The following CD58 variants were observed in gnomAD, a reference collection of about 807,000 sequenced individuals.
The protein encoded by CD58 is CD58 molecule, also known as lymphocyte function-associated antigen 3.
CD58 carries 14 observed loss-of-function variants against 27.6 expected under a neutral mutation model. That is an observed-to-expected ratio of 0.51 (90% CI 0.34 to 0.79). The LOEUF is 0.79. Among genes scored for constraint, CD58 ranks in the 30% least tolerant of loss-of-function variants. The pLI is 0.02. For missense variants in CD58, 268 were observed against 301.7 expected (o/e 0.89, Z 0.83); for synonymous variants, 117 against 103.8 (o/e 1.13, Z -0.77).
rs1349767981 is a variant in CD58, at chr1:116,534,997, T to C, written c.628+968A>G. On this transcript the variant is annotated intron_variant, in intron 3 of 5. Coordinates refer to ENST00000369489, the MANE Select transcript of CD58 (RefSeq NM_001779.3). This position sits in a 1 kb window ranked among gnomAD's most constrained non-coding sequence, Gnocchi z 5.3. ...ACAATTATATTATTCTGAATAATAG[T>C]ATTTACTATTTTCGTCTCTTTTATA... is the stretch of plus-strand genomic sequence containing the variant. 6.6e-6 allele frequency among the ~76,000 whole-genome samples: 1 copy of C among 152,220 alleles called. No homozygotes were observed. Among genetic ancestry groups the C allele is most frequent in the African/African-American group, 2.4e-5 (1 of 41,460 alleles).
rs1300034716 is a variant in CD58, at chr1:116,521,031, G to A, written c.706+875C>T. On this transcript the variant is annotated intron_variant, in intron 4 of 5. Transcript: ENST00000369489. The surrounding 1 kb of genome is among the most constrained non-coding windows in gnomAD (Gnocchi z 5.6). ...AGATGTAGGTATTGAGCACTTGAAA[G>A]GTGGTTAGTGTAACTGAGGAATGAA... Among the ~76,000 whole-genome samples, 2 of 152,124 alleles carry A rather than the reference G, an allele frequency of 1.3e-5. No homozygotes were observed. The highest frequency in any genetic ancestry group is 2.9e-5 in the Non-Finnish European group (2 of 68,016).
At chr1:116,525,230 T>C (rs2101159700) in intron 3 of CD58, among the ~76,000 whole-genome samples, 2 of 152,338 alleles carry the variant, frequency 1.3e-5, no homozygotes, top group South Asian at 2.1e-4. Flanking sequence ...ACTACTAATC[T>C]TTTTACAGTC....
chr1:116,542,943 C>A (rs1658038838), intron 2 of CD58, among the ~76,000 whole-genome samples: 2 of 152,068 alleles, frequency 1.3e-5, no homozygotes, highest in Admixed American at 1.3e-4. Context: ...AGGAGGTATT[C>A]AAGATTTGAG....
rs1335155663 is a variant in CD58, at chr1:116,563,777, C to T, written c.70+7126G>A. ...GGGGCCCTGGGTCCAGCCCATGAAA[C>T]AATTTTTCCCTCCAAGGCCTCCAGG... On this transcript the variant is annotated intron_variant, in intron 1 of 5. Transcript: ENST00000369489. This position sits in a 1 kb window ranked among gnomAD's most constrained non-coding sequence, Gnocchi z 4.1. 6.6e-6 allele frequency among the ~76,000 whole-genome samples: 1 copy of T among 152,212 alleles called. No homozygotes were observed. Among genetic ancestry groups the T allele is most frequent in the Admixed American group, 6.5e-5 (1 of 15,282 alleles).
rs922416142 is a variant in CD58 at position 116,533,574 on chromosome 1, C to T, written c.628+2391G>A. Reference sequence around the variant, plus strand: ...CATATTCCTGGACTAATTCACTTAGCATATCTACATTTCTAAAGATGGTAA... The same window carrying T: ...CATATTCCTGGACTAATTCACTTAGTATATCTACATTTCTAAAGATGGTAA... On this transcript the variant is annotated intron_variant, in intron 3 of 5. Transcript: ENST00000369489. 2.2e-5 allele frequency: 16 copies of T among 712,368 alleles called. No individual in the cohort carries two copies. The Admixed American group carries it at 2.3e-4, about 10-fold the overall frequency. 44.1% of individuals were successfully genotyped at this position (712,368 alleles called of 1,614,324 possible). A position where few individuals can be genotyped will look rare whatever the true frequency, so the allele number is the denominator to read the frequency against.
intron 1 of CD58, among the ~76,000 whole-genome samples, chr1:116,558,452 G>C (rs1358289911): frequency 2.0e-5 from 3 of 151,180 alleles, no homozygotes; most frequent in African/African-American, 7.3e-5. Context: ...CAGGATGTGT[G>C]GCAATCTGGG....
rs1039649591 is a variant in CD58 at position 116,517,593 on chromosome 1, A to G, written c.743+1638T>C. Among the ~76,000 whole-genome samples the G allele has an allele frequency of 7.9e-5, 12 of 152,184 alleles. No individual in the cohort carries two copies. Among genetic ancestry groups the G allele is most frequent in the African/African-American group, 2.9e-4 (12 of 41,432 alleles). On this transcript the variant is annotated intron_variant, in intron 5 of 5. Transcript: ENST00000369489. The surrounding 1 kb of genome is among the most constrained non-coding windows in gnomAD (Gnocchi z 6.5). ...CCCTCGCCTACCTCCTTGTCTCTGC[A>G]GCTTTAACATGTAGCCTCCTCCCTC... is the stretch of plus-strand genomic sequence containing the variant.
intron 3 of CD58, among the ~76,000 whole-genome samples, chr1:116,529,667 G>A (rs1488633765): frequency 6.6e-6 from 1 of 152,190 alleles, no homozygotes; most frequent in Admixed American, 6.5e-5. Context: ...GGGTTGTTGT[G>A]TGGATTAAAT....
rs538415668 is a variant in CD58, at chr1:116,563,281, G to A, written c.70+7622C>T. The stretch of plus-strand genomic sequence containing the variant: ...AGCTCTTCCCCTGTGGCTTTGCAGG[G>A]TACAGCCATCCTCCTGGCTGCTTTC... On this transcript the variant is annotated intron_variant, in intron 1 of 5. Coordinates refer to ENST00000369489, the MANE Select transcript of CD58 (RefSeq NM_001779.3). The surrounding 1 kb of genome is among the most constrained non-coding windows in gnomAD (Gnocchi z 4.1). 6.6e-6 allele frequency among the ~76,000 whole-genome samples: 1 copy of A among 152,118 alleles called. No individual in the cohort carries two copies. The highest frequency in any genetic ancestry group is 2.4e-5 in the African/African-American group (1 of 41,498).
chr1:116,532,627 C>A lies in CD58; in HGVS notation c.628+3338G>T, dbSNP rs1657653030. Among the ~76,000 whole-genome samples, 1 of 152,212 alleles carries A rather than the reference C, an allele frequency of 6.6e-6. No homozygotes were observed. Among genetic ancestry groups the A allele is most frequent in the Non-Finnish European group, 1.5e-5 (1 of 68,044 alleles). ...AAGTGATCCCCACCCCATCCCACCC[C>A]ACCCCAATGGGGTCTATGGGGCCCT... On this transcript the variant is annotated intron_variant, in intron 3 of 5. Coordinates refer to ENST00000369489, the MANE Select transcript of CD58 (RefSeq NM_001779.3). This position sits in a 1 kb window ranked among gnomAD's most constrained non-coding sequence, Gnocchi z 5.1.
Position 116,557,095 on chromosome 1 carries a change from A to G in CD58, c.71-12491T>C, listed in dbSNP as rs1658591381. On this transcript the variant is annotated intron_variant, in intron 1 of 5. Transcript: ENST00000369489. The surrounding 1 kb of genome is among the most constrained non-coding windows in gnomAD (Gnocchi z 5.2). ...GGCTGTATCCCCATATGTCTGGCATATGGACTTTCAATAAATATCTGTTGA... is the reference window on the plus strand; with the variant it reads ...GGCTGTATCCCCATATGTCTGGCATGTGGACTTTCAATAAATATCTGTTGA... Among the ~76,000 whole-genome samples the G allele has an allele frequency of 6.6e-6, 1 of 152,218 alleles. No individual in the cohort carries two copies. Among genetic ancestry groups the G allele is most frequent in the African/African-American group, 2.4e-5 (1 of 41,454 alleles).
intron 3 of CD58, among the ~76,000 whole-genome samples, chr1:116,535,666 C>G (rs1219951662): frequency 7.6e-6 from 1 of 131,804 alleles, no homozygotes; most frequent in Non-Finnish European, 1.5e-5. Context: ...ACGGTGAAAC[C>G]CCGTCTCTAC....
chr1:116,516,054 C>T lies in CD58; in HGVS notation c.744-1232G>A, dbSNP rs1367027455. ...AGAACCTTTTAACATTTTAATTTAACTTAATTTTTTTGATGCCCAGGCTGG... is the reference window on the plus strand; with the variant it reads ...AGAACCTTTTAACATTTTAATTTAATTTAATTTTTTTGATGCCCAGGCTGG... On this transcript the variant is annotated intron_variant, in intron 5 of 5. Coordinates refer to ENST00000369489, the MANE Select transcript of CD58 (RefSeq NM_001779.3). The surrounding 1 kb of genome is among the most constrained non-coding windows in gnomAD (Gnocchi z 6.1). 2.0e-5 allele frequency among the ~76,000 whole-genome samples: 3 copies of T among 152,130 alleles called. No homozygotes were observed. The highest frequency in any genetic ancestry group is 2.9e-5 in the Non-Finnish European group (2 of 68,030).
At position 116,516,138 on chromosome 1, in the gene CD58, C is replaced by T. The variant is rs377759103; in HGVS notation, c.744-1316G>A. On this transcript the variant is annotated intron_variant, in intron 5 of 5. Transcript: ENST00000369489. The surrounding 1 kb of genome is among the most constrained non-coding windows in gnomAD (Gnocchi z 6.1). ...CTAACTCCTAAACTCAAGCGATCCT[C>T]GCACCTCAGCCTCCCAAGTAGCTGA... Among the ~76,000 whole-genome samples the T allele has an allele frequency of 2.6e-5, 4 of 152,148 alleles. No individual in the cohort carries two copies. Among genetic ancestry groups the T allele is most frequent in the East Asian group, 1.9e-4 (1 of 5,190 alleles).
intron 1 of CD58, among the ~76,000 whole-genome samples, chr1:116,567,851 C>G (rs950268001): frequency 2.0e-5 from 3 of 152,048 alleles, no homozygotes; most frequent in Non-Finnish European, 4.4e-5. Flanking sequence ...TCAAAGTTAA[C>G]ATCTCCAATA....
chr1:116,554,512 C>A (rs1313759169), intron 1 of CD58, among the ~76,000 whole-genome samples: 1 of 151,622 alleles, frequency 6.6e-6, no homozygotes, highest in Non-Finnish European at 1.5e-5. Flanking sequence ...GTAGTGAGAC[C>A]CTGTCTCTAC....
chr1:116,540,344 T>C (rs1242569010), intron 2 of CD58, among the ~76,000 whole-genome samples: 1 of 143,742 alleles, frequency 7.0e-6, no homozygotes, highest in East Asian at 2.8e-4. Context: ...TGACTTCCTC[T>C]TTTCTTAAAA....
rs1160456773 is a variant in CD58, at chr1:116,538,973, T to A, written c.365-2745A>T. 1.3e-5 allele frequency among the ~76,000 whole-genome samples: 2 copies of A among 152,224 alleles called. No homozygotes were observed. Among genetic ancestry groups the A allele is most frequent in the Non-Finnish European group, 2.9e-5 (2 of 68,034 alleles). On this transcript the variant is annotated intron_variant, in intron 2 of 5. Transcript: ENST00000369489. This position sits in a 1 kb window ranked among gnomAD's most constrained non-coding sequence, Gnocchi z 4.7. The stretch of plus-strand genomic sequence containing the variant: ...AGAAGCCCAGCTGCCTGAGTGCATA[T>A]CCCAGCTTCATGACTAAGAGCCATT...
intron 1 of CD58, among the ~76,000 whole-genome samples, chr1:116,568,287 A>G (rs934803672): frequency 6.6e-6 from 1 of 152,264 alleles, no homozygotes; most frequent in African/African-American, 2.4e-5. Context: ...GAGATCTGAA[A>G]CTCTCAAATG....
Sources: gnomAD v4.1 joint callset for allele counts (sites outside exome capture counted in the v4.1 genomes callset) on GRCh38, gnomAD v4.1.1 for gene constraint, Gnocchi (gnomAD v3.1) non-coding constraint, MANE v1.5 for transcripts, NCBI Gene and HGNC (gene_info 2026-07-23, HGNC 2026-07-21) for gene names.